Variants in LCOR observed in about 807,000 individuals in gnomAD.
LCOR encodes ligand-dependent corepressor.
A neutral mutation model predicts 64.4 loss-of-function variants in LCOR; 14 were observed. The ratio of observed to expected loss-of-function variants is 0.22; its 90% CI spans 0.14 to 0.34. The LOEUF (loss-of-function observed/expected upper bound fraction) is 0.34, where lower values mean the gene tolerates loss of function less well. Among genes scored for constraint, LCOR ranks in the 10% least tolerant of loss-of-function variants. LCOR has a pLI of 1.00. For synonymous variants in LCOR, 643 were observed against 642.5 expected, an observed-to-expected ratio of 1.00 and a Z score of -0.01; for missense variants, 1,686 against 1,765.3, an observed-to-expected ratio of 0.96 and a Z score of 0.80.
At chr10:96,903,665 A>G (rs561225475) in intron 2 of LCOR, among the ~76,000 whole-genome samples, 2 of 152,194 alleles carry the variant, frequency 1.3e-5, no homozygotes, top group South Asian at 2.1e-4. Flanking sequence ...TTTGTATTTG[A>G]TATATTCCTA....
At chr10:96,928,441 C>T (rs1025697375) in intron 4 of LCOR, among the ~76,000 whole-genome samples, 1 of 152,108 alleles carries the variant, frequency 6.6e-6, no homozygotes, top group African/African-American at 2.4e-5. Flanking sequence ...TCATCCATAA[C>T]AAGCAACTCT....
chr10:96,865,494 T>G (rs939583863), intron 2 of LCOR, among the ~76,000 whole-genome samples: 17 of 152,026 alleles, frequency 1.1e-4, no homozygotes, highest in African/African-American at 4.1e-4. Context: ...GTGATTTTTT[T>G]ATCGTGTTTA....
At chr10:96,860,012 G>A (rs1589611228) in intron 2 of LCOR, among the ~76,000 whole-genome samples, 1 of 152,112 alleles carries the variant, frequency 6.6e-6, no homozygotes, top group Admixed American at 6.6e-5. Context: ...TTTGGAGAGG[G>A]GCTTAAGATC....
intron 4 of LCOR, among the ~76,000 whole-genome samples, chr10:96,911,254 C>T (rs992506642): frequency 3.1e-4 from 47 of 151,930 alleles, no homozygotes; most frequent in African/African-American, 9.7e-4. Context: ...TGCACCAACA[C>T]GCCCAGCTAA....
At position 96,983,504 on chromosome 10, in the gene LCOR, TGTC is replaced by T. The variant is rs747852842; in HGVS notation, c.3046_3048del (p.Ser1018del). On this transcript the variant is annotated inframe_deletion, in exon 8 of 8. Coordinates refer to ENST00000421806, the MANE Select transcript of LCOR (RefSeq NM_001346516.2). The surrounding 1 kb of genome is among the most constrained non-coding windows in gnomAD (Gnocchi z 4.5). ...GATGCCCCATGCAGCTCTCTTGGGT[TGTC>T]GAGTAGTGGAAGTGGTGATGCTGCT... 2.5e-6 allele frequency: 4 copies of T among 1,613,960 alleles called. No individual in the cohort carries two copies. The highest frequency in any genetic ancestry group is 3.4e-6 in the Non-Finnish European group (4 of 1,180,030).
At chr10:96,879,453 C>CA (rs1159096700) in intron 2 of LCOR, among the ~76,000 whole-genome samples, 2 of 152,174 alleles carry the variant, frequency 1.3e-5, no homozygotes, top group African/African-American at 4.8e-5. Flanking sequence ...CATCTCCACA[C>CA]AGAGTTTGTG....
intron 7 of LCOR, chr10:96,963,510 T>C (rs537346339): frequency 1.3e-5 from 2 of 152,164 alleles, no homozygotes; most frequent in Non-Finnish European, 1.5e-5. Flanking sequence ...GATGGAACCA[T>C]TGGGCCAGGA....
rs1412391360 is a variant in LCOR, at chr10:96,965,824, C to G, written c.332+13628C>G. 4.6e-5 allele frequency among the ~76,000 whole-genome samples: 7 copies of G among 151,984 alleles called. No homozygotes were observed. In the East Asian group the frequency reaches 1.3e-3, roughly 29 times the overall value. On this transcript the variant is annotated intron_variant, in intron 7 of 7. Coordinates refer to ENST00000421806, the MANE Select transcript of LCOR (RefSeq NM_001346516.2). ...ACTTAATCAAGATTTTTTAAGAAAG[C>G]TAATTATTATTTTGCTGTAAGTTCC...
intron 4 of LCOR, among the ~76,000 whole-genome samples, chr10:96,922,710 CTA>C (rs751829632): frequency 1.2e-4 from 18 of 152,264 alleles, no homozygotes; most frequent in Non-Finnish European, 2.1e-4. Flanking sequence ...TTGTTAAAAA[CTA>C]TACATGTATA....
chr10:96,914,022 C>T (rs996009902), intron 4 of LCOR, among the ~76,000 whole-genome samples: 1 of 152,036 alleles, frequency 6.6e-6, no homozygotes, highest in African/African-American at 2.4e-5. Context: ...TGGAAGTAAC[C>T]AGTGATATGG....
At position 96,984,535 on chromosome 10, in the gene LCOR, C is replaced by G. The variant is rs1446589944; in HGVS notation, c.4075C>G (p.Leu1359Val). 5 of 1,614,106 alleles carry G rather than the reference C, an allele frequency of 3.1e-6. No individual in the cohort carries two copies. The highest frequency in any genetic ancestry group is 4.2e-6 in the Non-Finnish European group (5 of 1,180,058). ...VCINPLMSPKLALQVDADGFP... is the reference protein window; with the variant it reads ...VCINPLMSPKVALQVDADGFP... ...CATCAACCCTCTGATGTCCCCCAAG[C>G]TTGCCCTGCAAGTGGATGCAGATGG... is the stretch of plus-strand genomic sequence containing the variant. Residue 1359 changes from leucine (L) to valine (V), a missense_variant, in exon 8 of 8, where the codon CTT becomes GTT. This residue lies in a region of LCOR where 1,293 missense variants were observed against 1,410.4 expected (regional missense o/e 0.92). Transcript: ENST00000421806.
intron 2 of LCOR, among the ~76,000 whole-genome samples, chr10:96,904,610 G>A (rs1487369568): frequency 6.6e-6 from 1 of 152,164 alleles, no homozygotes; most frequent in Non-Finnish European, 1.5e-5. Context: ...AGTCAACTTC[G>A]ATAAAATAAA....
At chr10:96,876,217 A>G (rs892366692) in intron 2 of LCOR, among the ~76,000 whole-genome samples, 2 of 152,188 alleles carry the variant, frequency 1.3e-5, no homozygotes, top group African/African-American at 4.8e-5. Flanking sequence ...TTTTGCCTCT[A>G]ATGATGGAGG....
intron 2 of LCOR, among the ~76,000 whole-genome samples, chr10:96,840,244 T>G (rs1845516859): frequency 6.6e-6 from 1 of 152,360 alleles, no homozygotes; most frequent in East Asian, 1.9e-4. Context: ...ATTTTTGGTC[T>G]TCTTTTTATT....
In LCOR at chr10:96,984,249, G is replaced by T. The variant is rs763329309; in HGVS notation, c.3789G>T (p.Glu1263Asp). ...KMQKLWAKFR[E>D]NPDQVEPEDG... is the part of the protein sequence containing the mutation. Reference sequence around the variant, plus strand: ...AGAAGCTCTGGGCCAAATTTCGAGAGAATCCTGATCAAGTGGAGCCAGAAG... The same window carrying T: ...AGAAGCTCTGGGCCAAATTTCGAGATAATCCTGATCAAGTGGAGCCAGAAG... The change falls in exon 8 of 8, where the codon GAG (glutamate) becomes GAT (aspartate). Residue 1263 changes from glutamate to aspartate, a missense_variant. Glu to Asp is a conservative substitution (Grantham distance 45). Coordinates refer to ENST00000421806, the MANE Select transcript of LCOR (RefSeq NM_001346516.2). The T allele has an allele frequency of 5.6e-6, 9 of 1,614,182 alleles. No individual in the cohort carries two copies. The highest frequency in any genetic ancestry group is 1.6e-4 in the Middle Eastern group (1 of 6,062).
At chr10:96,868,183 C>T (rs1252428736) in intron 2 of LCOR, among the ~76,000 whole-genome samples, 4 of 151,764 alleles carry the variant, frequency 2.6e-5, no homozygotes, top group Non-Finnish European at 5.9e-5. Flanking sequence ...CGCACCGGGC[C>T]GAATATATCA....
At chr10:96,947,359 G>A (rs1472571344) in intron 5 of LCOR, among the ~76,000 whole-genome samples, 1 of 152,024 alleles carries the variant, frequency 6.6e-6, no homozygotes, top group Non-Finnish European at 1.5e-5. Context: ...ATTGAATATC[G>A]TCCTTTCGGG....
chr10:96,844,492 A>G (rs182910138), intron 2 of LCOR, among the ~76,000 whole-genome samples: 4 of 152,226 alleles, frequency 2.6e-5, no homozygotes, highest in Admixed American at 2.0e-4. Flanking sequence ...TTCTCTACCC[A>G]TAATCTTACC....
intron 2 of LCOR, among the ~76,000 whole-genome samples, chr10:96,859,486 A>G (rs1845854118): frequency 6.6e-6 from 1 of 152,020 alleles, no homozygotes; most frequent in South Asian, 2.1e-4. Context: ...TGCTAGGATT[A>G]TAGGTGCGAG....
Sources: allele counts gnomAD v4.1 joint callset (sites outside exome capture counted in the v4.1 genomes callset), GRCh38; gene constraint gnomAD v4.1.1; regional missense constraint gnomAD v4.1.1; non-coding constraint Gnocchi (gnomAD v3.1); transcripts MANE v1.5; gene names NCBI Gene and HGNC (gene_info 2026-07-23, HGNC 2026-07-21).